Variants in MICAL3 observed in about 807,000 individuals in gnomAD.
MICAL3 encodes microtubule associated monooxygenase, calponin and LIM domain containing 3.
In MICAL3, 62 loss-of-function variants were observed where a neutral mutation model predicts 207.4. That is an observed-to-expected ratio of 0.30 (90% CI 0.24 to 0.37). The LOEUF is 0.37. MICAL3 is among the 10% of genes least tolerant of loss of function. The probability of loss-of-function intolerance (pLI) is 1.00; values close to 1 mark genes in which losing one functional copy is unlikely to be tolerated. For synonymous variants in MICAL3, 1,077 were observed against 1,069.3 expected, an observed-to-expected ratio of 1.01 and a Z score of -0.14; for missense variants, 2,368 against 2,635.6, an observed-to-expected ratio of 0.90 and a Z score of 2.22.
chr22:17,894,111 C>A (rs543654052), intron 10 of MICAL3, among the ~76,000 whole-genome samples: 2 of 152,170 alleles, frequency 1.3e-5, no homozygotes, highest in South Asian at 2.1e-4. Flanking sequence ...GGACTTTGTG[C>A]TAGAAATCAG....
intron 24 of MICAL3, among the ~76,000 whole-genome samples, chr22:17,821,774 G>A (rs1921678065): frequency 6.6e-6 from 1 of 152,214 alleles, no homozygotes; most frequent in African/African-American, 2.4e-5. Context: ...TCTGCACACA[G>A]AGCTTCAGGA....
At chr22:17,970,018 T>A (rs577772944) in intron 1 of MICAL3, among the ~76,000 whole-genome samples, 6 of 152,330 alleles carry the variant, frequency 3.9e-5, no homozygotes, top group Admixed American at 2.6e-4. Flanking sequence ...TTGGTCCACA[T>A]CTCTGCCCTG....
intron 1 of MICAL3, among the ~76,000 whole-genome samples, chr22:17,926,048 T>C (rs145179851): frequency 1.2e-4 from 19 of 152,374 alleles, no homozygotes; most frequent in African/African-American, 4.6e-4. Context: ...TCCATGGGAC[T>C]GTAAGGTCTT....
intron 1 of MICAL3, among the ~76,000 whole-genome samples, chr22:17,979,609 T>C (rs1395385167): frequency 6.6e-6 from 1 of 152,034 alleles, no homozygotes; most frequent in Non-Finnish European, 1.5e-5. Flanking sequence ...AAAGATTTCA[T>C]TAGAGGAATT....
chr22:17,820,142 CAA>C (rs35565268), intron 25 of MICAL3, among the ~76,000 whole-genome samples: 21 of 120,046 alleles, frequency 1.7e-4, no homozygotes, highest in Admixed American at 3.5e-4. Flanking sequence ...GACCCTGTCT[CAA>C]AAAAAAAAAA....
intron 1 of MICAL3, among the ~76,000 whole-genome samples, chr22:17,952,217 C>T (rs546864933): frequency 2.6e-4 from 40 of 152,346 alleles, no homozygotes; most frequent in African/African-American, 9.1e-4. Flanking sequence ...TGTTAGCAGC[C>T]TATCCCTAAC....
At chr22:17,978,707 C>A (rs9605471) in intron 1 of MICAL3, among the ~76,000 whole-genome samples, 5 of 151,492 alleles carry the variant, frequency 3.3e-5, no homozygotes, top group South Asian at 4.2e-4. Context: ...TTAGTAGAGA[C>A]GGGGTTTCAC....
At chr22:17,848,933 G>A (rs906073186) in intron 19 of MICAL3, among the ~76,000 whole-genome samples, 1 of 152,226 alleles carries the variant, frequency 6.6e-6, no homozygotes, top group Non-Finnish European at 1.5e-5. Context: ...TTCCAGGAGG[G>A]CAAGCCCCAG....
intron 12 of MICAL3, among the ~76,000 whole-genome samples, chr22:17,889,573 TCC>T (rs1165641917): frequency 1.3e-5 from 2 of 152,232 alleles, no homozygotes; most frequent in African/African-American, 4.8e-5. Context: ...ACACCTGTGA[TCC>T]CAACACTTTG....
chr22:17,995,414 C>T (rs1165374743), intron 1 of MICAL3, among the ~76,000 whole-genome samples: 1 of 151,276 alleles, frequency 6.6e-6, no homozygotes. Flanking sequence ...TGGCCTCAAG[C>T]AATACTCCTA....
intron 1 of MICAL3, among the ~76,000 whole-genome samples, chr22:17,918,433 A>G (rs990230749): frequency 9.9e-5 from 15 of 152,220 alleles, no homozygotes; most frequent in Admixed American, 9.8e-4. Context: ...ATTCAGTGAG[A>G]AGAGTGACAG....
chr22:17,982,821 G>A (rs1346223044), intron 1 of MICAL3, among the ~76,000 whole-genome samples: 1 of 152,062 alleles, frequency 6.6e-6, no homozygotes, highest in Non-Finnish European at 1.5e-5. Flanking sequence ...CATTCTCCCT[G>A]AGGTACTTCT....
intron 1 of MICAL3, among the ~76,000 whole-genome samples, chr22:17,990,107 C>T (rs1348310596): frequency 7.1e-6 from 1 of 141,458 alleles, no homozygotes; most frequent in East Asian, 2.6e-4. Context: ...TAAAGAATTG[C>T]TAATAAAAAA....
chr22:17,872,729 C>A (rs753074669), intron 16 of MICAL3: 1 of 1,480,666 alleles, frequency 6.8e-7, no homozygotes, highest in South Asian at 1.1e-5. Context: ...CTACACAGTG[C>A]CTGGAGGCGT....
At position 17,807,956 on chromosome 22, in the gene MICAL3, G is replaced by A. The variant is rs115077561; in HGVS notation, c.5650+888C>T. On this transcript the variant is annotated intron_variant, in intron 29 of 31. Transcript: ENST00000441493. ...CTGAACCTGCAGGCTATAAAGAGAC[G>A]GAAGTTCCCCCATCCAGAGACTAGA... Among the ~76,000 whole-genome samples the A allele has an allele frequency of 2.6e-3, 402 of 152,364 alleles. 3 individuals are homozygous for A. Among genetic ancestry groups the A allele is most frequent in the African/African-American group, 9.3e-3 (386 of 41,592 alleles).
intron 1 of MICAL3, among the ~76,000 whole-genome samples, chr22:17,978,039 T>TAATAA (rs1041057843): frequency 7.1e-6 from 1 of 140,972 alleles, no homozygotes; most frequent in South Asian, 2.2e-4. Flanking sequence ...AATAAATAAA[T>TAATAA]AATAAAATAA....
intron 19 of MICAL3, among the ~76,000 whole-genome samples, chr22:17,857,439 C>A (rs1017051641): frequency 2.6e-5 from 4 of 152,236 alleles, no homozygotes; most frequent in Admixed American, 1.3e-4. Context: ...TGTGAAAAAA[C>A]TGTCTTCCAC....
intron 1 of MICAL3, among the ~76,000 whole-genome samples, chr22:17,986,326 G>C (rs1213674673): frequency 1.3e-5 from 2 of 152,196 alleles, no homozygotes; most frequent in African/African-American, 4.8e-5. Context: ...TTCGAGACCA[G>C]CCTGCCAACA....
intron 13 of MICAL3, among the ~76,000 whole-genome samples, chr22:17,888,609 G>A (rs1930130116): frequency 6.6e-6 from 1 of 152,166 alleles, no homozygotes; most frequent in Non-Finnish European, 1.5e-5. Context: ...AGAGTAGGAG[G>A]TGGGAATCCT....
Sources: gnomAD v4.1 joint callset for allele counts (sites outside exome capture counted in the v4.1 genomes callset) on GRCh38, gnomAD v4.1.1 for gene constraint, MANE v1.5 for transcripts, NCBI Gene and HGNC (gene_info 2026-07-23, HGNC 2026-07-21) for gene names.